Variants in SEPTIN11 observed in about 807,000 individuals in gnomAD.
The protein encoded by SEPTIN11 is septin 11.
SEPTIN11 carries 25 observed loss-of-function variants against 51.4 expected under a neutral mutation model. That is an observed-to-expected ratio of 0.49 (90% CI 0.35 to 0.68). The LOEUF (loss-of-function observed/expected upper bound fraction) is 0.68, where lower values mean the gene tolerates loss of function less well. SEPTIN11 is among the 30% of genes least tolerant of loss of function. The pLI is 0.00. For missense variants in SEPTIN11, 381 were observed against 520.8 expected (o/e 0.73, Z 2.61); for synonymous variants, 174 against 184.1 (o/e 0.95, Z 0.44).
chr4:76,981,576 T>C (rs1197159036), intron 1 of SEPTIN11, among the ~76,000 whole-genome samples: 1 of 152,210 alleles, frequency 6.6e-6, no homozygotes, highest in African/African-American at 2.4e-5. Context: ...CAGAAAGTTG[T>C]CTCTGCTAGT....
intron 1 of SEPTIN11, among the ~76,000 whole-genome samples, chr4:76,973,419 G>A (rs1282535784): frequency 6.6e-6 from 1 of 152,148 alleles, no homozygotes; most frequent in Non-Finnish European, 1.5e-5. Flanking sequence ...TACAGCATAC[G>A]TGTGTGTGGA....
At chr4:76,995,301 G>C (rs1723626077) in intron 1 of SEPTIN11, among the ~76,000 whole-genome samples, 1 of 152,060 alleles carries the variant, frequency 6.6e-6, no homozygotes, top group South Asian at 2.1e-4. Context: ...AGAATCACTT[G>C]AACCTAGGAG....
At chr4:76,992,434 TTCGACAAC>T (rs1318441507) in intron 1 of SEPTIN11, among the ~76,000 whole-genome samples, 13 of 152,346 alleles carry the variant, frequency 8.5e-5, no homozygotes, top group Non-Finnish European at 5.9e-5. Flanking sequence ...AATGACTATG[TTCGACAAC>T]TCTGGAACCT....
At chr4:76,979,433 C>T (rs1342635042) in intron 1 of SEPTIN11, among the ~76,000 whole-genome samples, 1 of 152,124 alleles carries the variant, frequency 6.6e-6, no homozygotes, top group African/African-American at 2.4e-5. Flanking sequence ...GTCAGTTGTC[C>T]AGTTTAGTGT....
chr4:76,961,279 G>A (rs1026019704), intron 1 of SEPTIN11, among the ~76,000 whole-genome samples: 1 of 152,050 alleles, frequency 6.6e-6, no homozygotes, highest in Non-Finnish European at 1.5e-5. Flanking sequence ...GCTATCTTTC[G>A]AAATTTATTT....
chr4:76,970,721 TATCA>T (rs1722204461), intron 1 of SEPTIN11, among the ~76,000 whole-genome samples: 1 of 152,244 alleles, frequency 6.6e-6, no homozygotes, highest in Non-Finnish European at 1.5e-5. Flanking sequence ...AATTTACTCC[TATCA>T]ATCAGAAAAT....
At chr4:76,957,878 C>T (rs1721633134) in intron 1 of SEPTIN11, among the ~76,000 whole-genome samples, 1 of 152,162 alleles carries the variant, frequency 6.6e-6, no homozygotes, top group Non-Finnish European at 1.5e-5. Context: ...GGAGTCCCCA[C>T]CCCACCTTTC....
chr4:77,016,238 C>A (rs1725212873), intron 5 of SEPTIN11, among the ~76,000 whole-genome samples: 2 of 151,826 alleles, frequency 1.3e-5, no homozygotes, highest in South Asian at 4.2e-4. Context: ...TAGGTAGGTG[C>A]TGTTATTATT....
At chr4:76,983,222 G>A (rs1722857241) in intron 1 of SEPTIN11, among the ~76,000 whole-genome samples, 1 of 152,182 alleles carries the variant, frequency 6.6e-6, no homozygotes, top group South Asian at 2.1e-4. Context: ...CCTTAAAAGG[G>A]ACCAGACTGT....
intron 1 of SEPTIN11, among the ~76,000 whole-genome samples, chr4:76,972,221 G>C (rs901131122): frequency 3.3e-5 from 5 of 152,170 alleles, no homozygotes; most frequent in African/African-American, 1.2e-4. Flanking sequence ...AGCCAGTCAT[G>C]TATCTGTACT....
intron 1 of SEPTIN11, among the ~76,000 whole-genome samples, chr4:76,966,209 C>T (rs1389407189): frequency 6.6e-6 from 1 of 152,188 alleles, no homozygotes; most frequent in Non-Finnish European, 1.5e-5. Context: ...TTTAATGTTA[C>T]CACAACTCAA....
intron 1 of SEPTIN11, among the ~76,000 whole-genome samples, chr4:76,968,160 T>C (rs1722104044): frequency 6.6e-6 from 1 of 152,242 alleles, no homozygotes; most frequent in African/African-American, 2.4e-5. Context: ...AAATTATTTA[T>C]GAATTCGGCA....
intron 1 of SEPTIN11, among the ~76,000 whole-genome samples, chr4:76,956,240 T>C (rs766615923): frequency 1.3e-5 from 2 of 152,222 alleles, no homozygotes; most frequent in Admixed American, 6.5e-5. Context: ...TTCAAATTTA[T>C]TCAATTCAAA....
intron 7 of SEPTIN11, among the ~76,000 whole-genome samples, chr4:77,026,707 A>G (rs538953963): frequency 1.3e-5 from 2 of 152,194 alleles, no homozygotes; most frequent in Non-Finnish European, 2.9e-5. Flanking sequence ...TAGAAAGAAG[A>G]GGGAGATATA....
intron 1 of SEPTIN11, among the ~76,000 whole-genome samples, chr4:76,964,633 C>T (rs954179670): frequency 1.1e-4 from 16 of 152,122 alleles, no homozygotes; most frequent in African/African-American, 3.6e-4. Context: ...TATTCAGATA[C>T]GTGATACTCT....
downstream of SEPTIN11, chr4:77,038,741 AATGG>A: frequency 1.4e-6 from 1 of 738,814 alleles, no homozygotes; most frequent in East Asian, 9.0e-5. Flanking sequence ...GTAGACTTCA[AATGG>A]CTGCCGTCTG....
Position 76,949,915 on chromosome 4 carries a change from C to T in SEPTIN11, c.12C>T (p.Ala4=). ...GTGCCGCAGCTGCGATGGCCGTGGC[C>T]GTGGGGAGACCGTCTGTGAGTGCTG... MAV[A]VGRPSNEELR... is the part of the protein sequence containing the mutation. Residue 4 remains alanine (A), a synonymous_variant, in exon 1 of 10, where the codon GCC becomes GCT. Coordinates refer to ENST00000264893, the MANE Select transcript of SEPTIN11 (RefSeq NM_018243.4). 2.6e-6 allele frequency: 4 copies of T among 1,529,020 alleles called. No individual in the cohort carries two copies. Among genetic ancestry groups the T allele is most frequent in the Non-Finnish European group, 2.6e-6 (3 of 1,145,560 alleles). 94.7% of individuals were successfully genotyped at this position (1,529,020 alleles called of 1,614,324 possible).
At position 77,037,746 on chromosome 4, in the gene SEPTIN11, G is replaced by T; in HGVS notation, c.*3234G>T. On this transcript the variant is annotated 3_prime_UTR_variant, in exon 10 of 10. Transcript: ENST00000264893. ...GAATGTGATGGAAAAGCATTGATGAGAATTTATTGGCAGTTCAGATTGTGT... is the reference window on the plus strand; with the variant it reads ...GAATGTGATGGAAAAGCATTGATGATAATTTATTGGCAGTTCAGATTGTGT... The T allele has an allele frequency of 2.0e-6, 2 of 985,846 alleles. No individual in the cohort carries two copies. Among genetic ancestry groups the T allele is most frequent in the Non-Finnish European group, 2.4e-6 (2 of 829,934 alleles). 61.1% of individuals were successfully genotyped at this position (985,846 alleles called of 1,614,324 possible). A position where few individuals can be genotyped will look rare whatever the true frequency, so the allele number is the denominator to read the frequency against.
In SEPTIN11 at chr4:77,024,404, A is replaced by G. The variant is rs1163954704; in HGVS notation, c.953+3734A>G. 6.6e-6 allele frequency among the ~76,000 whole-genome samples: 1 copy of G among 151,488 alleles called. No homozygotes were observed. Among genetic ancestry groups the G allele is most frequent in the Non-Finnish European group, 1.5e-5 (1 of 67,870 alleles). On this transcript the variant is annotated intron_variant, in intron 7 of 9. Coordinates refer to ENST00000264893, the MANE Select transcript of SEPTIN11 (RefSeq NM_018243.4). This position sits in a 1 kb window ranked among gnomAD's most constrained non-coding sequence, Gnocchi z 4.2. ...CATGCGTCTACCACCCAGAGCACCCATGCTTCCCTGGACCCAGGCGTCTCC... is the reference window on the plus strand; with the variant it reads ...CATGCGTCTACCACCCAGAGCACCCGTGCTTCCCTGGACCCAGGCGTCTCC...
Sources: allele counts gnomAD v4.1 joint callset (sites outside exome capture counted in the v4.1 genomes callset), GRCh38; gene constraint gnomAD v4.1.1; non-coding constraint Gnocchi (gnomAD v3.1); transcripts MANE v1.5; gene names NCBI Gene and HGNC (gene_info 2026-07-23, HGNC 2026-07-21).